Variants in FBXO16 observed in about 807,000 individuals in gnomAD.
FBXO16 encodes F-box only protein 16.
Under a neutral mutation model 41.0 loss-of-function variants are expected in FBXO16, and 31 were observed. That is an observed-to-expected ratio of 0.76 (90% CI 0.57 to 1.02). The LOEUF (loss-of-function observed/expected upper bound fraction) is 1.02, where lower values mean the gene tolerates loss of function less well. Ranked by LOEUF, FBXO16 falls within the 50% of genes least tolerant of loss-of-function variation. The pLI is 0.00. For missense variants in FBXO16, 361 were observed against 346.2 expected, an observed-to-expected ratio of 1.04 and a Z score of -0.34; for synonymous variants, 133 against 117.8, an observed-to-expected ratio of 1.13 and a Z score of -0.84.
intron 7 of FBXO16, among the ~76,000 whole-genome samples, chr8:28,429,759 G>C (rs566062634): frequency 6.6e-6 from 1 of 152,118 alleles, no homozygotes; most frequent in African/African-American, 2.4e-5. Flanking sequence ...GATATCCGCC[G>C]ATGACAGCTC....
At chr8:28,455,442 A>G (rs983645101) in intron 5 of FBXO16, among the ~76,000 whole-genome samples, 2 of 152,098 alleles carry the variant, frequency 1.3e-5, no homozygotes, top group Non-Finnish European at 2.9e-5. Flanking sequence ...TTCCTATGTT[A>G]TACGAGCTGG....
At chr8:28,457,954 A>C (rs766618369) in intron 4 of FBXO16, among the ~76,000 whole-genome samples, 8 of 152,204 alleles carry the variant, frequency 5.3e-5, no homozygotes, top group Non-Finnish European at 8.8e-5. Context: ...AATTTACCCA[A>C]GGGTTTGAAT....
chr8:28,453,015 T>C (rs1403663987), intron 5 of FBXO16, among the ~76,000 whole-genome samples: 1 of 152,146 alleles, frequency 6.6e-6, no homozygotes, highest in East Asian at 1.9e-4. Context: ...ATTACCATGG[T>C]GATAATGATT....
intron 7 of FBXO16, among the ~76,000 whole-genome samples, chr8:28,430,714 G>A (rs767111299): frequency 1.5e-4 from 23 of 152,184 alleles, no homozygotes; most frequent in Non-Finnish European, 2.5e-4. Flanking sequence ...GCTCATGCCT[G>A]TAATCCTAGC....
intron 3 of FBXO16, among the ~76,000 whole-genome samples, chr8:28,468,403 A>C (rs143926736): frequency 1.1e-3 from 171 of 152,304 alleles, no homozygotes; most frequent in African/African-American, 4.0e-3. Context: ...TGGCAAAAAG[A>C]GGGTGGGAGG....
At position 28,483,486 on chromosome 8, in the gene FBXO16, A is replaced by G. The variant is rs200849890; in HGVS notation, c.-16-24T>C. Reference sequence around the variant, plus strand: ...TCCTTCCATAAGAAAAACAACACCTATCAGAAGAAGTGAATCATATAACCC... The same window carrying G: ...TCCTTCCATAAGAAAAACAACACCTGTCAGAAGAAGTGAATCATATAACCC... On this transcript the variant is annotated intron_variant, in intron 1 of 8. Transcript: ENST00000380254. 3.2e-6 allele frequency: 5 copies of G among 1,540,504 alleles called. No individual in the cohort carries two copies. The East Asian group carries it at 6.7e-5, about 21-fold the overall frequency.
intron 3 of FBXO16, among the ~76,000 whole-genome samples, chr8:28,471,629 T>C (rs550648642): frequency 9.9e-5 from 15 of 151,956 alleles, no homozygotes; most frequent in Admixed American, 9.2e-4. Context: ...TATGACTTAG[T>C]GATTTTAAGG....
intron 2 of FBXO16, 99 bp from the exon 3 acceptor site, chr8:28,473,906 A>T (rs1563368768): frequency 2.2e-6 from 2 of 903,184 alleles, no homozygotes; most frequent in Non-Finnish European, 3.5e-6. Context: ...ATAAACATTC[A>T]TTGTATCAAC....
intron 1 of FBXO16, among the ~76,000 whole-genome samples, chr8:28,489,317 G>C (rs567419149): frequency 4.2e-4 from 64 of 152,114 alleles, no homozygotes; most frequent in African/African-American, 1.4e-3. Context: ...ACTCCAGCCT[G>C]GGGGACAGAG....
rs538146682 is a variant in FBXO16 at position 28,433,771 on chromosome 8, T to C, written c.844-4368A>G. The stretch of plus-strand genomic sequence containing the variant: ...ACTTTGCATGGGGATAGAAAATTCC[T>C]TTTTTCAGGCTGGATGCCATTTTAT... On this transcript the variant is annotated intron_variant, in intron 7 of 8. Coordinates refer to ENST00000380254, the MANE Select transcript of FBXO16 (RefSeq NM_172366.4). 3.9e-4 allele frequency among the ~76,000 whole-genome samples: 59 copies of C among 152,276 alleles called. 2 individuals carry two copies. The South Asian group carries it at 0.012, about 32-fold the overall frequency.
chr8:28,478,543 G>A (rs1038905031), intron 2 of FBXO16, among the ~76,000 whole-genome samples: 6 of 152,208 alleles, frequency 3.9e-5, no homozygotes, highest in Admixed American at 1.3e-4. Flanking sequence ...TGTAATCCCC[G>A]GCTGGGCACA....
intron 3 of FBXO16, among the ~76,000 whole-genome samples, chr8:28,466,518 G>A (rs937977768): frequency 2.2e-4 from 33 of 151,918 alleles, no homozygotes; most frequent in African/African-American, 7.5e-4. Flanking sequence ...CTGGCCAGGC[G>A]CGGTGGCTCA....
At chr8:28,449,163 C>T (rs1020372840) in intron 6 of FBXO16, 1 of 151,854 alleles carries the variant, frequency 6.6e-6, no homozygotes, top group Admixed American at 6.6e-5. Flanking sequence ...TCCACAAAAT[C>T]CAGAATGTGA....
chr8:28,483,395 T>C lies in FBXO16; in HGVS notation c.52A>G (p.Lys18Glu), dbSNP rs1179968911. Reference protein sequence around the residue: ...KNTDGPKMQTKMSTWTPLNHQ... With the variant: ...KNTDGPKMQTEMSTWTPLNHQ... The stretch of plus-strand genomic sequence containing the variant: ...TTTAGGGGTGTCCAGGTGCTCATCT[T>C]TGTCTGCATTTTGGGACCATCTGTG... The change falls in exon 2 of 9, where the codon AAG becomes GAG. Residue 18 changes from lysine (K) to glutamate (E), a missense_variant. Coordinates refer to ENST00000380254, the MANE Select transcript of FBXO16 (RefSeq NM_172366.4). 1 of 1,614,176 alleles carries C rather than the reference T, an allele frequency of 6.2e-7. No individual in the cohort carries two copies. Among genetic ancestry groups the C allele is most frequent in the South Asian group, 1.1e-5 (1 of 91,080 alleles).
chr8:28,447,959 A>C (rs1001883328), intron 6 of FBXO16, among the ~76,000 whole-genome samples: 1 of 152,082 alleles, frequency 6.6e-6, no homozygotes, highest in Non-Finnish European at 1.5e-5. Context: ...GTCTCAAAAA[A>C]ATAATAATAA....
At chr8:28,440,822 G>C in intron 7 of FBXO16, among the ~76,000 whole-genome samples, 1 of 152,194 alleles carries the variant, frequency 6.6e-6, no homozygotes, top group East Asian at 1.9e-4. Context: ...GCTGAACCAG[G>C]ACCTAGAAAG....
At chr8:28,470,429 T>C (rs529183642) in intron 3 of FBXO16, among the ~76,000 whole-genome samples, 146 of 152,356 alleles carry the variant, frequency 9.6e-4, no homozygotes, top group African/African-American at 3.4e-3. Context: ...TGCTTTTTCA[T>C]GCCTTTTCAT....
At chr8:28,434,935 G>T (rs6558058) in intron 7 of FBXO16, among the ~76,000 whole-genome samples, 14,948 of 152,214 alleles carry the variant, frequency 0.098, 1,986 homozygotes, top group African/African-American at 0.29. Flanking sequence ...CCCAGAGGGG[G>T]TGTCAGTGTG....
At chr8:28,472,646 G>A (rs1475246783) in intron 3 of FBXO16, among the ~76,000 whole-genome samples, 1 of 152,150 alleles carries the variant, frequency 6.6e-6, no homozygotes, top group Non-Finnish European at 1.5e-5. Flanking sequence ...GGAGGCTGAG[G>A]CAGGAGAATC....
Sources: gnomAD v4.1 joint callset for allele counts (sites outside exome capture counted in the v4.1 genomes callset) on GRCh38, gnomAD v4.1.1 for gene constraint, MANE v1.5 for transcripts, NCBI Gene and HGNC (gene_info 2026-07-23, HGNC 2026-07-21) for gene names.